KIF23: variants seen among roughly 807,000 people sequenced by gnomAD.
KIF23 encodes kinesin-like protein KIF23.
KIF23 carries 30 observed loss-of-function variants against 137.5 expected under a neutral mutation model. The observed-to-expected ratio is 0.22, with a 90% CI of 0.16 to 0.30. The LOEUF is 0.30. Ranked by LOEUF, KIF23 falls within the 10% of genes least tolerant of loss-of-function variation. The pLI is 1.00. For missense variants in KIF23, 920 were observed against 1,194.3 expected (o/e 0.77, Z 3.38); for synonymous variants, 367 against 391.1 (o/e 0.94, Z 0.73).
At chr15:69,421,379 ACT>A (rs752650460) in intron 3 of KIF23, among the ~76,000 whole-genome samples, 48 of 151,768 alleles carry the variant, frequency 3.2e-4, no homozygotes, top group Admixed American at 1.3e-3. Flanking sequence ...CAAGAGCAAA[ACT>A]CTGTCTCAAA....
At chr15:69,443,412 C>T (rs976490365) in intron 19 of KIF23, among the ~76,000 whole-genome samples, 1 of 130,494 alleles carries the variant, frequency 7.7e-6, no homozygotes, top group Non-Finnish European at 1.6e-5. Context: ...CATCTAGGCT[C>T]ACTGCAGCCT....
rs1016888114 is a variant in KIF23 at position 69,427,776 on chromosome 15, A to G, written c.1011+1319A>G. ...AACTGTATCATGAAATTGTGGCATT[A>G]TGAAGATTTATAAGTGGCAGGAGTG... On this transcript the variant is annotated intron_variant, in intron 10 of 23. Coordinates refer to ENST00000679126, the MANE Select transcript of KIF23 (RefSeq NM_001367805.3). 2.6e-5 allele frequency among the ~76,000 whole-genome samples: 4 copies of G among 152,220 alleles called. No homozygotes were observed. In the East Asian group the frequency reaches 5.8e-4, roughly 22 times the overall value.
At chr15:69,436,780 A>G in intron 15 of KIF23, 58 bp downstream of exon 15, 1 of 1,151,684 alleles carries the variant, frequency 8.7e-7, no homozygotes. Flanking sequence ...TTTGAGACAT[A>G]GTTTCACTCT....
intron 14 of KIF23, 51 bp from the exon 15 acceptor site, chr15:69,436,513 A>C (rs1198697150): frequency 6.7e-7 from 1 of 1,486,064 alleles, no homozygotes; most frequent in East Asian, 2.3e-5. Context: ...TGTTTAAATA[A>C]GCTCTTTCTC....
rs568543144 is a variant in KIF23, at chr15:69,417,467, A to G, written c.166A>G (p.Thr56Ala). ...CAATAATACAACTGTTCAGCTTCATACTCCTGAGGGCTACAGACTCAACCG... is the reference window on the plus strand; with the variant it reads ...CAATAATACAACTGTTCAGCTTCATGCTCCTGAGGGCTACAGACTCAACCG... ...VINNTTVQLH[T>A]PEGYRLNRNG... The change falls in exon 3 of 24, where the codon ACT becomes GCT. Residue 56 changes from threonine (T) to alanine (A), a missense_variant. Physicochemically the swap from Thr to Ala is moderately conservative, Grantham distance 58. Coordinates refer to ENST00000679126, the MANE Select transcript of KIF23 (RefSeq NM_001367805.3). 23 of 1,613,900 alleles carry G rather than the reference A, an allele frequency of 1.4e-5. No homozygotes were observed. In the East Asian group the frequency reaches 5.1e-4, roughly 36 times the overall value.
chr15:69,416,166 G>A (rs955693690), intron 2 of KIF23, 103 bp downstream of exon 2: 1 of 683,644 alleles, frequency 1.5e-6, no homozygotes, highest in Non-Finnish European at 2.3e-6. Context: ...AAGACATGTG[G>A]AAGTATAATC....
chr15:69,427,007 G>A (rs1018893583), intron 10 of KIF23, among the ~76,000 whole-genome samples: 10 of 151,984 alleles, frequency 6.6e-5, no homozygotes, highest in Non-Finnish European at 1.3e-4. Flanking sequence ...GGCTGGGTGC[G>A]TGCGTGGCTC....
chr15:69,435,575 C>T lies in KIF23; in HGVS notation c.1194+13C>T, dbSNP rs752307031. On this transcript the variant is annotated intron_variant, in intron 12 of 23. Transcript: ENST00000679126. ...TGGAACTAACAAGGTAAGCAGCAGCCTTCTCTGTTCTTTTGTATAGTTTCA... is the reference window on the plus strand; with the variant it reads ...TGGAACTAACAAGGTAAGCAGCAGCTTTCTCTGTTCTTTTGTATAGTTTCA... 5 of 1,613,476 alleles carry T rather than the reference C, an allele frequency of 3.1e-6. No homozygotes were observed. Among genetic ancestry groups the T allele is most frequent in the Non-Finnish European group, 4.2e-6 (5 of 1,179,868 alleles).
In KIF23 at chr15:69,436,690, G is replaced by A. The variant is rs766374124; in HGVS notation, c.1565G>A (p.Arg522Gln). The A allele has an allele frequency of 5.6e-6, 9 of 1,599,556 alleles. No homozygotes were observed. The highest frequency in any genetic ancestry group is 1.1e-5 in the South Asian group (1 of 88,410). ...IEALEKRHNL[R>Q]QMMIDEFNKQ... Reference sequence around the variant, plus strand: ...GCCTTAGAGAAACGACATAACTTACGACAAATGATGATTGATGAGTTTAAC... The same window carrying A: ...GCCTTAGAGAAACGACATAACTTACAACAAATGATGATTGATGAGTTTAAC... The change falls in exon 15 of 24, where the codon CGA (arginine) becomes CAA (glutamine). Residue 522 changes from arginine to glutamine, a missense_variant. Transcript: ENST00000679126.
At chr15:69,429,017 C>A in intron 10 of KIF23, 94 bp from the exon 11 acceptor site, 1 of 817,122 alleles carries the variant, frequency 1.2e-6, no homozygotes, top group Non-Finnish European at 2.0e-6. Context: ...TGCAAATGTT[C>A]ATTAAGACTT....
At chr15:69,417,350 C>T (rs1403733804) in intron 2 of KIF23, 33 bp from the exon 3 acceptor site, 16 of 1,514,638 alleles carry the variant, frequency 1.1e-5, no homozygotes, top group Non-Finnish European at 1.4e-5. Flanking sequence ...AAAGGTCGAA[C>T]TTTCTTCTTA....
chr15:69,446,843 C>G, intron 22 of KIF23, 28 bp from the exon 23 acceptor site: 5 of 1,604,684 alleles, frequency 3.1e-6, no homozygotes, highest in African/African-American at 1.3e-5. Flanking sequence ...AGGAGCTGAT[C>G]TTTTTCCTCT....
chr15:69,425,562 C>T (rs569500244), intron 8 of KIF23, among the ~76,000 whole-genome samples: 19 of 152,198 alleles, frequency 1.2e-4, no homozygotes, highest in Non-Finnish European at 2.6e-4. Context: ...CATACCCAAC[C>T]TTCATCTTGT....
chr15:69,440,329 C>G lies in KIF23; in HGVS notation c.1951C>G (p.Gln651Glu). ...KECERRVAAK[Q>E]LEMQNKLWVK... is the part of the protein sequence containing the mutation. ...GTAGGAGCGTAGAGTGGCAGCCAAACAGCTGGAGATGCAGAATAAACTCTG... is the reference window on the plus strand; with the variant it reads ...GTAGGAGCGTAGAGTGGCAGCCAAAGAGCTGGAGATGCAGAATAAACTCTG... The change falls in exon 18 of 24, where the codon CAG becomes GAG. Residue 651 changes from glutamine (Q) to glutamate (E), a missense_variant. Physicochemically the swap from Gln to Glu is conservative, Grantham distance 29. Coordinates refer to ENST00000679126, the MANE Select transcript of KIF23 (RefSeq NM_001367805.3). 1 of 1,612,998 alleles carries G rather than the reference C, an allele frequency of 6.2e-7. No homozygotes were observed. Among genetic ancestry groups the G allele is most frequent in the Non-Finnish European group, 8.5e-7 (1 of 1,179,654 alleles).
chr15:69,435,384 T>C (rs1350046246), intron 11 of KIF23, 99 bp from the exon 12 acceptor site: 5 of 872,226 alleles, frequency 5.7e-6, no homozygotes, highest in Non-Finnish European at 8.8e-6. Context: ...AATTTCTATC[T>C]AGTAGTTGTT....
intron 3 of KIF23, among the ~76,000 whole-genome samples, chr15:69,420,195 C>G (rs1374384380): frequency 6.6e-6 from 1 of 151,790 alleles, no homozygotes; most frequent in Non-Finnish European, 1.5e-5. Context: ...ACCCAGGAGG[C>G]AGAGGTTGCA....
At chr15:69,438,196 A>C (rs1430776861) in intron 15 of KIF23, 52 bp from the exon 16 acceptor site, 2 of 1,487,748 alleles carry the variant, frequency 1.3e-6, no homozygotes, top group Non-Finnish European at 1.8e-6. Flanking sequence ...AGTTGATATC[A>C]TTGTTTGTTT....
chr15:69,420,124 C>T lies in KIF23; in HGVS notation c.211-1523C>T, dbSNP rs533947266. Among the ~76,000 whole-genome samples the T allele has an allele frequency of 2.5e-3, 384 of 152,126 alleles. 1 individual carries two copies. Among genetic ancestry groups the T allele is most frequent in the African/African-American group, 8.6e-3 (358 of 41,500 alleles). On this transcript the variant is annotated intron_variant, in intron 3 of 23. Coordinates refer to ENST00000679126, the MANE Select transcript of KIF23 (RefSeq NM_001367805.3). ...TACTAAAAATACAAAAATTACCCAG[C>T]GTGGAGGCATGCGCCTGTAATCACA...
rs766742595 is a variant in KIF23, at chr15:69,425,264, A to G, written c.735-18A>G. On this transcript the variant is annotated intron_variant, in intron 7 of 23. Transcript: ENST00000679126. ...GGCTGCTGTAGAAACAGTAACTTCT[A>G]CCTTATTCCTTTGGTAGGTGGAACA... 1.3e-6 allele frequency: 2 copies of G among 1,535,024 alleles called. No individual in the cohort carries two copies. The highest frequency in any genetic ancestry group is 1.7e-6 in the Non-Finnish European group (2 of 1,145,998).
Sources: allele counts gnomAD v4.1 joint callset (sites outside exome capture counted in the v4.1 genomes callset), GRCh38; gene constraint gnomAD v4.1.1; transcripts MANE v1.5; gene names NCBI Gene and HGNC (gene_info 2026-07-23, HGNC 2026-07-21).